PFKFB3: variants seen among roughly 807,000 people sequenced by gnomAD.
PFKFB3 encodes the protein 6-phosphofructo-2-kinase/fructose-2,6-biphosphatase 3, also known as 6-phosphofructo-2-kinase/fructose-2,6-bisphosphatase 3.
In PFKFB3, 33 loss-of-function variants were observed where a neutral mutation model predicts 68.0. That is an observed-to-expected ratio of 0.49 (90% CI 0.37 to 0.65). PFKFB3 has a LOEUF of 0.65. Ranked by LOEUF, PFKFB3 falls within the 30% of genes least tolerant of loss-of-function variation. The probability of loss-of-function intolerance (pLI) is 0.00; values close to 1 mark genes in which losing one functional copy is unlikely to be tolerated. For synonymous variants in PFKFB3, 315 were observed against 288.2 expected, an observed-to-expected ratio of 1.09 and a Z score of -0.94; for missense variants, 586 against 712.2, an observed-to-expected ratio of 0.82 and a Z score of 2.02.
Position 6,222,624 on chromosome 10 carries a change from A to G in PFKFB3, c.1084-231A>G, listed in dbSNP as rs572968025. The G allele has an allele frequency of 1.1e-5, 4 of 362,280 alleles. No individual in the cohort carries two copies. The South Asian group carries it at 1.4e-4, about 12-fold the overall frequency. 22.4% of individuals were successfully genotyped at this position (362,280 alleles called of 1,614,324 possible). On this transcript the variant is annotated intron_variant, in intron 10 of 14. Transcript: ENST00000379775. ...CGTGCCTTTTGCGCCCAGTTCTTTC[A>G]CACAGCATTGAGTTTTCCAGGTTCC...
the PFKFB3 span, among the ~76,000 whole-genome samples, chr10:6,260,462 A>G: frequency 6.6e-6 from 1 of 151,514 alleles, no homozygotes; most frequent in African/African-American, 2.4e-5. Flanking sequence ...AGCATCCAGA[A>G]GGCTCCTTCA....
intron 1 of PFKFB3, among the ~76,000 whole-genome samples, chr10:6,156,869 A>G (rs1325542046): frequency 6.6e-6 from 1 of 151,916 alleles, no homozygotes; most frequent in Non-Finnish European, 1.5e-5. Flanking sequence ...AGGCAGGTGG[A>G]TCACCTGAGG....
At chr10:6,297,717 T>A in the PFKFB3 span, among the ~76,000 whole-genome samples, 4 of 152,186 alleles carry the variant, frequency 2.6e-5, no homozygotes, top group African/African-American at 9.7e-5. Context: ...TACAGCTCCT[T>A]GATGATGACC....
chr10:6,197,235 T>C (rs59194756), intron 1 of PFKFB3, among the ~76,000 whole-genome samples: 4,721 of 152,186 alleles, frequency 0.031, 218 homozygotes, highest in African/African-American at 0.1. Flanking sequence ...CCTCGGCTTC[T>C]CAAAGTTCTA....
Position 6,219,581 on chromosome 10 carries a change from T to G in PFKFB3, c.511T>G (p.Ser171Ala). 1 of 1,613,988 alleles carries G rather than the reference T, an allele frequency of 6.2e-7. No homozygotes were observed. The highest frequency in any genetic ancestry group is 8.5e-7 in the Non-Finnish European group (1 of 1,179,910). ...TGTGGTGTTGCAGGAAGTTAAAATCTCCAGCCCGGATTACAAAGACTGCAA... is the reference window on the plus strand; with the variant it reads ...TGTGGTGTTGCAGGAAGTTAAAATCGCCAGCCCGGATTACAAAGACTGCAA... The part of the protein sequence containing the change: ...VASNIMEVKI[S>A]SPDYKDCNSA... The change falls in exon 7 of 15, where the codon TCC (serine) becomes GCC (alanine). Residue 171 changes from serine to alanine, a missense_variant. Physicochemically the swap from Ser to Ala is moderately conservative, Grantham distance 99 (BLOSUM62 1). Transcript: ENST00000379775.
At chr10:6,185,862 A>T (rs1336169817) in intron 1 of PFKFB3, among the ~76,000 whole-genome samples, 3 of 149,892 alleles carry the variant, frequency 2.0e-5, no homozygotes, top group Non-Finnish European at 3.0e-5. Context: ...CTGGTCTTGA[A>T]CTCCTGACCT....
chr10:6,202,880 C>A, upstream of PFKFB3: 1 of 1,067,694 alleles, frequency 9.4e-7, no homozygotes, highest in Non-Finnish European at 1.1e-6. Flanking sequence ...CTGACGTACG[C>A]GTCTGCGGCC....
chr10:6,232,344 A>G (rs1339818552), intron 14 of PFKFB3, among the ~76,000 whole-genome samples: 1 of 152,050 alleles, frequency 6.6e-6, no homozygotes, highest in Non-Finnish European at 1.5e-5. Flanking sequence ...CAGGGCTTTA[A>G]CAACACCCCT....
intron 6 of PFKFB3, 62 bp from the exon 7 acceptor site, chr10:6,219,507 G>C: frequency 6.2e-7 from 1 of 1,602,924 alleles, no homozygotes; most frequent in Non-Finnish European, 8.5e-7. Flanking sequence ...CCCAAATCCT[G>C]CTTAATCTCA....
chr10:6,247,635 G>A lies in PFKFB3; in HGVS notation c.1516-6543G>A, dbSNP rs185844642. 6.6e-4 allele frequency among the ~76,000 whole-genome samples: 100 copies of A among 152,198 alleles called. No individual in the cohort carries two copies. In the Middle Eastern group the frequency reaches 0.014, roughly 21 times the overall value. ...GTTTATCCTCCAGACCCCTCCTAAG[G>A]AACGCCTCCCTCTCCTCTCCTGGCC... is the stretch of plus-strand genomic sequence containing the variant. On this transcript the variant is annotated intron_variant, in intron 14 of 14. Coordinates refer to the PFKFB3 transcript ENST00000640683.
chr10:6,260,608 C>G, the PFKFB3 span, among the ~76,000 whole-genome samples: 1 of 152,034 alleles, frequency 6.6e-6, no homozygotes, highest in Non-Finnish European at 1.5e-5. Context: ...AGTTTTCTTT[C>G]GCCTGTTTGT....
chr10:6,151,179 GTA>G (rs1173644126), intron 1 of PFKFB3, among the ~76,000 whole-genome samples: 3 of 152,168 alleles, frequency 2.0e-5, no homozygotes, highest in Non-Finnish European at 4.4e-5. Context: ...CTGGCAGTGT[GTA>G]TGAGTCTTGG....
At chr10:6,303,537 G>A in the PFKFB3 span, among the ~76,000 whole-genome samples, 3 of 152,018 alleles carry the variant, frequency 2.0e-5, no homozygotes, top group East Asian at 3.9e-4. Context: ...AATCAATGCC[G>A]GGCACGGTGG....
chr10:6,161,613 T>TAC lies in PFKFB3; in HGVS notation c.16+16612_16+16613dup, dbSNP rs879802913. On this transcript the variant is annotated intron_variant, in intron 1 of 14. Transcript: ENST00000379789. ...ATATATATACACACACACATATATATACACACACACACATATATATATATA... is the reference window on the plus strand; with the variant it reads ...ATATATATACACACACACATATATATACACACACACACACATATATATATATA... Among the ~76,000 whole-genome samples the TAC allele has an allele frequency of 3.3e-3, 463 of 142,342 alleles. 2 individuals carry two copies. Among genetic ancestry groups the TAC allele is most frequent in the Non-Finnish European group, 3.6e-3 (233 of 64,676 alleles). The allele number at this position is 142,342 out of a possible 152,430, so 93.4% of individuals were successfully genotyped here.
chr10:6,246,633 C>T (rs746502232), intron 14 of PFKFB3, among the ~76,000 whole-genome samples: 36 of 152,110 alleles, frequency 2.4e-4, no homozygotes, highest in Non-Finnish European at 4.3e-4. Flanking sequence ...AGAGCCACTG[C>T]GCCCGGCCTA....
At chr10:6,216,653 T>C in intron 4 of PFKFB3, 53 bp from the exon 5 acceptor site, 2 of 1,228,736 alleles carry the variant, frequency 1.6e-6, no homozygotes, top group South Asian at 1.2e-5. Context: ...CTGGTAAACG[T>C]TGTTAAACTC....
chr10:6,166,582 A>G (rs1842146503), intron 1 of PFKFB3, among the ~76,000 whole-genome samples: 1 of 152,240 alleles, frequency 6.6e-6, no homozygotes, highest in East Asian at 1.9e-4. Flanking sequence ...CCTCAGGGGA[A>G]GAGGGAGATT....
At chr10:6,162,906 T>G (rs1842009221) in intron 1 of PFKFB3, among the ~76,000 whole-genome samples, 1 of 152,208 alleles carries the variant, frequency 6.6e-6, no homozygotes, top group African/African-American at 2.4e-5. Flanking sequence ...GTGCCTCTTC[T>G]TGCTACCGGA....
At position 6,165,788 on chromosome 10, in the gene PFKFB3, C is replaced by T. The variant is rs1185875838; in HGVS notation, c.16+20775C>T. On this transcript the variant is annotated intron_variant, in intron 1 of 14. Transcript: ENST00000379789. ...TCATCACCTAGGTATAAGCCTAGTA[C>T]CCAGTATTTTATTTTCTTTTTTCTT... Among the ~76,000 whole-genome samples, 7 of 151,918 alleles carry T rather than the reference C, an allele frequency of 4.6e-5. No homozygotes were observed. In the East Asian group the frequency reaches 1.4e-3, roughly 29 times the overall value.
Sources: gnomAD v4.1 joint callset for allele counts (sites outside exome capture counted in the v4.1 genomes callset) on GRCh38, gnomAD v4.1.1 for gene constraint, MANE v1.5 for transcripts, NCBI Gene and HGNC (gene_info 2026-07-23, HGNC 2026-07-21) for gene names.